The following GRIA2 variants were observed in gnomAD, a reference collection of about 807,000 sequenced individuals.
GRIA2 encodes the protein glutamate receptor 2.
GRIA2 carries 14 observed loss-of-function variants against 97.3 expected under a neutral mutation model. The observed-to-expected ratio is 0.14, with a 90% CI of 0.10 to 0.23. The LOEUF (loss-of-function observed/expected upper bound fraction) is 0.23. Among genes scored for constraint, GRIA2 ranks in the 10% least tolerant of loss-of-function variants. The probability of loss-of-function intolerance (pLI) is 1.00; values close to 1 mark genes in which losing one functional copy is unlikely to be tolerated. For missense variants in GRIA2, 558 were observed against 1,069.8 expected, an observed-to-expected ratio of 0.52 and a Z score of 6.67; for synonymous variants, 412 against 387.8, an observed-to-expected ratio of 1.06 and a Z score of -0.73.
chr4:157,298,090 T>G (rs17244129), intron 2 of GRIA2, among the ~76,000 whole-genome samples: 4,532 of 152,072 alleles, frequency 0.03, 75 homozygotes, highest in Middle Eastern at 0.082. Flanking sequence ...GACTGATGCC[T>G]TTATGTGATG....
At chr4:157,256,858 T>C (rs1731299537) in intron 2 of GRIA2, among the ~76,000 whole-genome samples, 3 of 152,018 alleles carry the variant, frequency 2.0e-5, no homozygotes. Flanking sequence ...GAAAGCGACA[T>C]GATTTTGTAA....
At chr4:157,320,233 C>A (rs910100892) in intron 5 of GRIA2, among the ~76,000 whole-genome samples, 1 of 151,906 alleles carries the variant, frequency 6.6e-6, no homozygotes, top group African/African-American at 2.4e-5. Context: ...TGGCTTTGCT[C>A]TGAATAACAT....
intron 2 of GRIA2, among the ~76,000 whole-genome samples, chr4:157,279,929 A>T (rs1390380011): frequency 6.6e-6 from 1 of 152,162 alleles, no homozygotes; most frequent in Non-Finnish European, 1.5e-5. Context: ...GTTCAAGACC[A>T]GCCTGACCAA....
Position 157,281,287 on chromosome 4 carries a change from G to A in GRIA2, c.230-22265G>A, listed in dbSNP as rs927985934. Among the ~76,000 whole-genome samples, 10 of 152,176 alleles carry A rather than the reference G, an allele frequency of 6.6e-5. No homozygotes were observed. The South Asian group carries it at 2.1e-3, about 32-fold the overall frequency. ...TACTAACATATCATACTTCCTAGAA[G>A]TTTCCCTAATTCATTGCTCTCTGCT... On this transcript the variant is annotated intron_variant, in intron 2 of 15. Transcript: ENST00000264426.
intron 2 of GRIA2, among the ~76,000 whole-genome samples, chr4:157,232,586 A>G (rs752397077): frequency 1.2e-4 from 18 of 152,172 alleles, no homozygotes; most frequent in Non-Finnish European, 2.1e-4. Flanking sequence ...TAATTTACAT[A>G]CAGAAAGGAA....
intron 2 of GRIA2, among the ~76,000 whole-genome samples, chr4:157,275,396 G>T (rs924731179): frequency 2.0e-5 from 3 of 152,052 alleles, no homozygotes; most frequent in Non-Finnish European, 4.4e-5. Flanking sequence ...GTCAATTTTG[G>T]CTTTTGTTGC....
At chr4:157,244,823 T>C (rs1165781769) in intron 2 of GRIA2, among the ~76,000 whole-genome samples, 3 of 152,018 alleles carry the variant, frequency 2.0e-5, no homozygotes, top group Admixed American at 6.6e-5. Context: ...TTTCCCTCTT[T>C]GGCTCCTCAG....
At chr4:157,246,910 G>T (rs1730757136) in intron 2 of GRIA2, among the ~76,000 whole-genome samples, 1 of 152,066 alleles carries the variant, frequency 6.6e-6, no homozygotes, top group Non-Finnish European at 1.5e-5. Context: ...TTTCACTTTA[G>T]ATTTCTATAT....
chr4:157,223,539 A>G (rs934028555), intron 2 of GRIA2, among the ~76,000 whole-genome samples: 1 of 152,214 alleles, frequency 6.6e-6, no homozygotes, highest in African/African-American at 2.4e-5. Flanking sequence ...TGACCTATTT[A>G]CCTAACAGAT....
chr4:157,232,761 A>C (rs1730078686), intron 2 of GRIA2, among the ~76,000 whole-genome samples: 1 of 152,154 alleles, frequency 6.6e-6, no homozygotes, highest in Non-Finnish European at 1.5e-5. Flanking sequence ...TTCATCTGCG[A>C]AGATTAAAAA....
intron 2 of GRIA2, among the ~76,000 whole-genome samples, chr4:157,237,044 C>G (rs1053750828): frequency 4.0e-5 from 6 of 151,808 alleles, no homozygotes; most frequent in Non-Finnish European, 7.4e-5. Flanking sequence ...GCTTAATTTC[C>G]TCAGGAATTT....
At position 157,361,403 on chromosome 4, in the gene GRIA2, G is replaced by A; in HGVS notation, c.2406+279G>A. Reference sequence around the variant, plus strand: ...GATACATTAATGCTCATTTGGCTCTGCAAATCTTACCGTTTGCTTAGGCCA... The same window carrying A: ...GATACATTAATGCTCATTTGGCTCTACAAATCTTACCGTTTGCTTAGGCCA... On this transcript the variant is annotated intron_variant, in intron 14 of 15. Coordinates refer to ENST00000264426, the MANE Select transcript of GRIA2 (RefSeq NM_001083619.3). The surrounding 1 kb of genome is among the most constrained non-coding windows in gnomAD (Gnocchi z 5.2). 1 of 731,408 alleles carries A rather than the reference G, an allele frequency of 1.4e-6. No homozygotes were observed. The highest frequency in any genetic ancestry group is 2.3e-6 in the Non-Finnish European group (1 of 436,110). 45.3% of individuals were successfully genotyped at this position (731,408 alleles called of 1,614,324 possible).
intron 2 of GRIA2, among the ~76,000 whole-genome samples, chr4:157,227,264 G>C (rs771127884): frequency 9.9e-5 from 15 of 152,146 alleles, no homozygotes; most frequent in Non-Finnish European, 1.9e-4. Flanking sequence ...ATTGTACTGA[G>C]ACATTATGAC....
At chr4:157,338,036 A>G (rs1259078075) in intron 11 of GRIA2, among the ~76,000 whole-genome samples, 2 of 10,180 alleles carry the variant, frequency 2.0e-4, no homozygotes, top group African/African-American at 2.9e-4. Context: ...ATATATATAT[A>G]TATATATATA....
intron 6 of GRIA2, among the ~76,000 whole-genome samples, chr4:157,322,341 A>G (rs767723072): frequency 5.9e-5 from 9 of 151,796 alleles, no homozygotes; most frequent in Non-Finnish European, 1.0e-4. Context: ...GAAGATAAAA[A>G]TCTCAATTTG....
intron 2 of GRIA2, among the ~76,000 whole-genome samples, chr4:157,296,638 A>G (rs1733361120): frequency 2.0e-5 from 3 of 152,160 alleles, no homozygotes; most frequent in African/African-American, 7.2e-5. Flanking sequence ...AGCATGCTTA[A>G]GATCAGAGAC....
chr4:157,356,145 ATATT>A (rs1237480003), intron 12 of GRIA2, among the ~76,000 whole-genome samples: 18 of 125,678 alleles, frequency 1.4e-4, no homozygotes, highest in Admixed American at 1.1e-3. Context: ...TTATATATTT[ATATT>A]TATTTATTTA....
At chr4:157,339,056 T>C (rs998477903) in intron 11 of GRIA2, among the ~76,000 whole-genome samples, 17 of 151,992 alleles carry the variant, frequency 1.1e-4, no homozygotes, top group African/African-American at 4.1e-4. Flanking sequence ...AGTTATTTAT[T>C]AAATTAAGTG....
In GRIA2 at chr4:157,304,635, C is replaced by G. The variant is rs527857863; in HGVS notation, c.469+844C>G. Among the ~76,000 whole-genome samples the G allele has an allele frequency of 1.1e-4, 16 of 152,204 alleles. No homozygotes were observed. In the South Asian group the frequency reaches 3.3e-3, roughly 32 times the overall value. On this transcript the variant is annotated intron_variant, in intron 3 of 15. Transcript: ENST00000264426. ...AGAGAGAGTATCCGTAAATCAAAGT[C>G]AAAGCGGTGAGGGACAACGATTGTC...
Sources: allele counts gnomAD v4.1 joint callset (sites outside exome capture counted in the v4.1 genomes callset), GRCh38; gene constraint gnomAD v4.1.1; non-coding constraint Gnocchi (gnomAD v3.1); transcripts MANE v1.5; gene names NCBI Gene and HGNC (gene_info 2026-07-23, HGNC 2026-07-21).